Variants in GP6 observed in about 807,000 individuals in gnomAD.
The protein encoded by GP6 is platelet glycoprotein VI.
A neutral mutation model predicts 37.3 loss-of-function variants in GP6; 45 were observed. The observed-to-expected ratio is 1.21, with a 90% confidence interval of 0.95 to 1.55. GP6 has a LOEUF of 1.55. Ranked by LOEUF, GP6 falls within the 40% of genes most tolerant of loss-of-function variation. The pLI is 0.00. For synonymous variants in GP6, 340 were observed against 316.4 expected, an observed-to-expected ratio of 1.07 and a Z score of -0.79; for missense variants, 813 against 760.2, an observed-to-expected ratio of 1.07 and a Z score of -0.82.
intron 5 of GP6, among the ~76,000 whole-genome samples, chr19:55,019,737 G>A (rs2074008837): frequency 6.7e-6 from 1 of 148,910 alleles, no homozygotes; most frequent in South Asian, 2.1e-4. Context: ...GAGTGCAGTG[G>A]TGCAATCTCG....
chr19:55,023,537 T>A (rs1724172072), intron 5 of GP6, among the ~76,000 whole-genome samples: 2 of 152,184 alleles, frequency 1.3e-5, no homozygotes, highest in South Asian at 4.1e-4. Flanking sequence ...TCTCTCTTGC[T>A]CCTGCTCCCA....
chr19:55,021,554 T>C (rs1475584863), intron 5 of GP6, among the ~76,000 whole-genome samples: 3 of 131,850 alleles, frequency 2.3e-5, no homozygotes, highest in Non-Finnish European at 4.7e-5. Context: ...GGAGTCTTGC[T>C]CTGTCGCCCA....
intron 5 of GP6, among the ~76,000 whole-genome samples, chr19:55,023,854 T>G (rs185814927): frequency 6.2e-4 from 94 of 152,230 alleles, no homozygotes; most frequent in East Asian, 3.5e-3. Flanking sequence ...GCATACTGGA[T>G]GATCCCATTT....
At chr19:55,026,883 C>CAA (rs767194721) in intron 4 of GP6, among the ~76,000 whole-genome samples, 3,750 of 131,024 alleles carry the variant, frequency 0.029, 202 homozygotes, top group East Asian at 0.13. Context: ...GAGACTTCGT[C>CAA]AAAAAAAAAA....
chr19:55,026,486 TGTA>T (rs1446647397), intron 4 of GP6, among the ~76,000 whole-genome samples: 7 of 152,200 alleles, frequency 4.6e-5, no homozygotes, highest in African/African-American at 1.7e-4. Context: ...ATATCCATGT[TGTA>T]GTATGTGTCA....
At position 55,032,392 on chromosome 19, in the gene GP6, C is replaced by T. The variant is rs368522136; in HGVS notation, c.72G>A (p.Pro24=). ...GAGCCTGGAGGGAGGGCTTGGGGAG[C>T]GGTCCTGGAAGAGGAGCAGGGCTGG... The change falls in exon 3 of 8, where the codon CCG becomes CCA. Residue 24 remains proline (P), a synonymous_variant. Coordinates refer to ENST00000310373, the MANE Select transcript of GP6 (RefSeq NM_001083899.2). 3.5e-5 allele frequency: 57 copies of T among 1,612,474 alleles called. No individual in the cohort carries two copies. In the Admixed American group the frequency reaches 4.7e-4, roughly 13 times the overall value.
At chr19:55,032,623 A>T in intron 1 of GP6, 85 bp from the exon 2 acceptor site, 1 of 1,326,106 alleles carries the variant, frequency 7.5e-7, no homozygotes, top group Non-Finnish European at 1.1e-6. Context: ...AGACATTTGC[A>T]TGCATATGCT....
intron 5 of GP6, among the ~76,000 whole-genome samples, chr19:55,020,942 C>T (rs1056126447): frequency 1.1e-4 from 16 of 151,262 alleles, no homozygotes; most frequent in African/African-American, 3.9e-4. Context: ...GTCCCAGCTA[C>T]TCGGGAGGCT....
Position 55,014,251 on chromosome 19 carries a change from G to T in GP6, c.1694C>A (p.Ala565Glu), listed in dbSNP as rs2073758869. ...CCTGAGTTGCTGGGAGTATAGGGAT[G>T]CACCACCACACCTGGCTAATTTTTG... The change falls in exon 8 of 8, where the codon GCA becomes GAA. Residue 565 changes from alanine to glutamate, a missense_variant. By Grantham distance (107) the Ala-to-Glu change is moderately radical. Coordinates refer to ENST00000310373, the MANE Select transcript of GP6 (RefSeq NM_001083899.2). The T allele has an allele frequency of 1.0e-6, 1 of 982,334 alleles. No homozygotes were observed. The highest frequency in any genetic ancestry group is 1.6e-6 in the Non-Finnish European group (1 of 616,858). 60.9% of individuals were successfully genotyped at this position (982,334 alleles called of 1,614,324 possible).
chr19:55,032,712 A>G lies in GP6; in HGVS notation c.35-174T>C, dbSNP rs544964984. 128 of 735,254 alleles carry G rather than the reference A, an allele frequency of 1.7e-4. No homozygotes were observed. The African/African-American group carries it at 2.1e-3, about 12-fold the overall frequency. 45.5% of individuals were successfully genotyped at this position (735,254 alleles called of 1,614,324 possible). A position where few individuals can be genotyped will look rare whatever the true frequency, so the allele number is the denominator to read the frequency against. On this transcript the variant is annotated intron_variant, in intron 1 of 7. Transcript: ENST00000310373. ...AGAGAAACCGGTCAGAAAAAGCCAC[A>G]TAGTTTATGAGGTCATTTACATGAA...
At chr19:55,031,459 G>A (rs1033156759) in intron 3 of GP6, among the ~76,000 whole-genome samples, 3 of 152,008 alleles carry the variant, frequency 2.0e-5, no homozygotes, top group Non-Finnish European at 2.9e-5. Flanking sequence ...ATTTTTTTAA[G>A]TGCATTAAAA....
At chr19:55,035,678 C>T (rs1486267722) in intron 1 of GP6, among the ~76,000 whole-genome samples, 1 of 151,680 alleles carries the variant, frequency 6.6e-6, no homozygotes, top group Non-Finnish European at 1.5e-5. Flanking sequence ...CGTCATGCCA[C>T]TGCGCTCCAG....
intron 5 of GP6, among the ~76,000 whole-genome samples, chr19:55,021,223 G>C (rs1259323383): frequency 6.8e-6 from 1 of 146,236 alleles, no homozygotes; most frequent in Admixed American, 7.0e-5. Flanking sequence ...AAAAAGCCAG[G>C]CATGGTGGCA....
chr19:55,021,125 G>A (rs535170621), intron 5 of GP6, among the ~76,000 whole-genome samples: 13 of 149,400 alleles, frequency 8.7e-5, no homozygotes, highest in East Asian at 2.0e-4. Context: ...TTGGGAGGCC[G>A]AGGCAGGTGG....
chr19:55,032,958 G>A (rs1239082377), intron 1 of GP6: 27 of 268,528 alleles, frequency 1.0e-4, no homozygotes, highest in African/African-American at 5.9e-4. Flanking sequence ...TGTTAGACAC[G>A]GTGGACTCGT....
chr19:55,031,328 C>T (rs974939020), intron 3 of GP6, among the ~76,000 whole-genome samples: 1 of 152,322 alleles, frequency 6.6e-6, no homozygotes, highest in Middle Eastern at 3.4e-3. Flanking sequence ...CCCTGCTACT[C>T]ATGAGGCTGA....
chr19:55,014,815 T>G lies in GP6; in HGVS notation c.1130A>C (p.Gln377Pro), dbSNP rs775074233. 17 of 1,614,028 alleles carry G rather than the reference T, an allele frequency of 1.1e-5. No individual in the cohort carries two copies. The Admixed American group carries it at 2.5e-4, about 24-fold the overall frequency. Residue 377 changes from glutamine (Q) to proline (P), a missense_variant, in exon 8 of 8, where the codon CAG (glutamine) becomes CCG (proline). Physicochemically the swap from Gln to Pro is moderately conservative, Grantham distance 76. Coordinates refer to ENST00000310373, the MANE Select transcript of GP6 (RefSeq NM_001083899.2). ...GGCAGCATGGCCTCGTTTCCACAGC[T>G]GTAGCCTCTGCCCTCCTGCTTCCAC...
intron 7 of GP6, 108 bp from the exon 8 acceptor site, chr19:55,015,273 G>A (rs2073830419): frequency 6.6e-7 from 1 of 1,525,676 alleles, no homozygotes; most frequent in Non-Finnish European, 8.9e-7. Flanking sequence ...ACTAGCTAGG[G>A]GATGCCGCTC....
In GP6 at chr19:55,014,109, C is replaced by G; in HGVS notation, c.1836G>C (p.Gly612=). 1 of 678,662 alleles carries G rather than the reference C, an allele frequency of 1.5e-6. No homozygotes were observed. The highest frequency in any genetic ancestry group is 1.5e-5 in the South Asian group (1 of 66,556). The allele number at this position is 678,662 out of a possible 1,614,324, so 42.0% of individuals were successfully genotyped here. The change falls in exon 8 of 8, where the codon GGG becomes GGC. Residue 612 remains glycine, a synonymous_variant. Transcript: ENST00000310373. Reference sequence around the variant, plus strand: ...AAATCAGGGTAATTGACATATTCATCCCTGTATTTTTTGAGACAAAGTCAG... The same window carrying G: ...AAATCAGGGTAATTGACATATTCATGCCTGTATTTTTTGAGACAAAGTCAG...
Sources: gnomAD v4.1 joint callset for allele counts (sites outside exome capture counted in the v4.1 genomes callset) on GRCh38, gnomAD v4.1.1 for gene constraint, MANE v1.5 for transcripts, NCBI Gene and HGNC (gene_info 2026-07-23, HGNC 2026-07-21) for gene names.